Variants in CD1E observed in about 807,000 individuals in gnomAD.
CD1E encodes CD1e molecule.
A neutral mutation model predicts 40.1 loss-of-function variants in CD1E; 49 were observed. The observed-to-expected ratio is 1.22, with a 90% CI of 0.97 to 1.55. CD1E has a LOEUF of 1.55. CD1E is among the 40% of genes most tolerant of loss of function. The pLI, the probability that CD1E is intolerant of heterozygous loss-of-function variation, is 0.00. For missense variants in CD1E, 492 were observed against 471.3 expected (o/e 1.04, Z -0.41); for synonymous variants, 189 against 178.3 (o/e 1.06, Z -0.48).
In CD1E at chr1:158,355,619, A is replaced by G. The variant is rs73012017; in HGVS notation, c.625+50A>G. 7.5e-3 allele frequency: 11,601 copies of G among 1,557,156 alleles called. 738 individuals carry two copies. In the African/African-American group the frequency reaches 0.14, roughly 19 times the overall value. ...TCTTGTTCCTAGTACTATAACTCTC[A>G]TATTTGAATTTGCCTCTCATCATCA... On this transcript the variant is annotated intron_variant, in intron 3 of 5. Transcript: ENST00000368167.
In CD1E at chr1:158,355,372, A is replaced by T. The variant is rs761807945; in HGVS notation, c.428A>T (p.Gln143Leu). The change falls in exon 3 of 6, where the codon CAA becomes CTA. Residue 143 changes from glutamine (Q) to leucine (L), a missense_variant. Gln to Leu is a moderately radical substitution (Grantham distance 113, BLOSUM62 -2). Coordinates refer to ENST00000368167, the MANE Select transcript of CD1E (RefSeq NM_030893.4). The stretch of plus-strand genomic sequence containing the variant: ...CAAATCTTCTTAAATATGGCATATC[A>T]AGGGTCAGATTTCCTGAGTTTCCAA... Reference protein sequence around the residue: ...APQIFLNMAYQGSDFLSFQGI... With the variant: ...APQIFLNMAYLGSDFLSFQGI... 4 of 1,613,948 alleles carry T rather than the reference A, an allele frequency of 2.5e-6. No individual in the cohort carries two copies. In the East Asian group the frequency reaches 8.9e-5, roughly 36 times the overall value.
At position 158,355,310 on chromosome 1, in the gene CD1E, G is replaced by C; in HGVS notation, c.366G>C (p.Glu122Asp). The C allele has an allele frequency of 6.2e-7, 1 of 1,613,718 alleles. No individual in the cohort carries two copies. Among genetic ancestry groups the C allele is most frequent in the Non-Finnish European group, 8.5e-7 (1 of 1,179,810 alleles). ...AGQFQLEYPF[E>D]IQILAGCRMN... ...CCTGTCCACTCTCAGACCCCTTCGA[G>C]ATCCAGATATTAGCTGGCTGTAGAA... Residue 122 changes from glutamate (E) to aspartate (D), a missense_variant, in exon 3 of 6, where the codon GAG becomes GAC. Coordinates refer to ENST00000368167, the MANE Select transcript of CD1E (RefSeq NM_030893.4).
Position 158,357,161 on chromosome 1 carries a change from C to A in CD1E, c.*265C>A. ...ACCCAATTGATAGCTCTTCTGTACT[C>A]CCCAAATTGAACTGATCTTCACAAG... On this transcript the variant is annotated 3_prime_UTR_variant, in exon 6 of 6. Transcript: ENST00000368167. 5.8e-6 allele frequency: 2 copies of A among 344,798 alleles called. No homozygotes were observed. Among genetic ancestry groups the A allele is most frequent in the Admixed American group, 4.2e-5 (1 of 23,860 alleles). The allele number at this position is 344,798 out of a possible 1,614,324, so 21.4% of individuals were successfully genotyped here.
intron 1 of CD1E, 107 bp downstream of exon 1, chr1:158,354,153 C>T: frequency 5.8e-6 from 6 of 1,036,718 alleles, no homozygotes; most frequent in Non-Finnish European, 8.8e-6. Flanking sequence ...CTAGGATGCC[C>T]TTGGAATATG....
rs769163691 is a variant in CD1E at position 158,356,083 on chromosome 1, C to G, written c.882C>G (p.Gly294=). 58 of 1,613,456 alleles carry G rather than the reference C, an allele frequency of 3.6e-5. No individual in the cohort carries two copies. The Middle Eastern group carries it at 6.6e-4, about 18-fold the overall frequency. ...SCRVKHSSLG[G]HDLIIHWGGY... Reference sequence around the variant, plus strand: ...GGGTGAAACACAGCAGTCTAGGGGGCCATGATCTAATCATCCATTGGGGTG... The same window carrying G: ...GGGTGAAACACAGCAGTCTAGGGGGGCATGATCTAATCATCCATTGGGGTG... Residue 294 remains glycine (G), a synonymous_variant, in exon 4 of 6, where the codon GGC becomes GGG. Coordinates refer to ENST00000368167, the MANE Select transcript of CD1E (RefSeq NM_030893.4).
rs1315932033 is a variant in CD1E, at chr1:158,356,744, C to T, written c.1015C>T (p.Leu339Phe). 5 of 1,612,810 alleles carry T rather than the reference C, an allele frequency of 3.1e-6. No homozygotes were observed. In the Admixed American group the frequency reaches 5.0e-5, roughly 16 times the overall value. ...LKKQSSNKNI[L>F]SPHTPSPVFL... ...TTCCCACAGTTCAAATAAGAACATT[C>T]TTTCTCCCCACACACCCAGCCCTGT... The change falls in exon 6 of 6, where the codon CTT becomes TTT. Residue 339 changes from leucine to phenylalanine, a missense_variant. Leu to Phe is a conservative substitution (Grantham distance 22). Transcript: ENST00000368167.
rs747088115 is a variant in CD1E, at chr1:158,354,603, A to G, written c.285A>G (p.Ser95=). The change falls in exon 2 of 6, where the codon TCA becomes TCG. Residue 95 remains serine, a synonymous_variant. Coordinates refer to ENST00000368167, the MANE Select transcript of CD1E (RefSeq NM_030893.4). The stretch of plus-strand genomic sequence containing the variant: ...AGCAGGAGCTGAAAAACTTACAGTC[A>G]CTGTTCCAGTTATACTTCCATAGTT... The part of the protein sequence containing the change: ...FSKQELKNLQ[S]LFQLYFHSFI... 1.2e-6 allele frequency: 2 copies of G among 1,614,092 alleles called. No individual in the cohort carries two copies. The highest frequency in any genetic ancestry group is 1.7e-5 in the Admixed American group (1 of 60,026).
At chr1:158,356,155 G>T in intron 4 of CD1E, 50 bp downstream of exon 4, 1 of 1,600,048 alleles carries the variant, frequency 6.2e-7, no homozygotes, top group South Asian at 1.1e-5. Flanking sequence ...TAGCCCTGGG[G>T]CTTTTGAGTG....
Position 158,356,237 on chromosome 1 carries a change from A to T in CD1E, c.904+132A>T, listed in dbSNP as rs770128821. On this transcript the variant is annotated intron_variant, in intron 4 of 5. Coordinates refer to ENST00000368167, the MANE Select transcript of CD1E (RefSeq NM_030893.4). The stretch of plus-strand genomic sequence containing the variant: ...ACTGGGACAATCAAAATAAAGAAGG[A>T]TAGAGTATGACAGTAGTTAAATTTT... 16 of 1,091,778 alleles carry T rather than the reference A, an allele frequency of 1.5e-5. No homozygotes were observed. The African/African-American group carries it at 2.2e-4, about 15-fold the overall frequency. 67.6% of individuals were successfully genotyped at this position (1,091,778 alleles called of 1,614,324 possible).
In CD1E at chr1:158,354,383, A is replaced by T; in HGVS notation, c.65A>T (p.Gln22Leu). 1.3e-6 allele frequency: 2 copies of T among 1,598,320 alleles called. No individual in the cohort carries two copies. Among genetic ancestry groups the T allele is most frequent in the Non-Finnish European group, 1.7e-6 (2 of 1,171,782 alleles). The change falls in exon 2 of 6, where the codon CAG becomes CTG. Residue 22 changes from glutamine to leucine, a missense_variant. Coordinates refer to ENST00000368167, the MANE Select transcript of CD1E (RefSeq NM_030893.4). The stretch of plus-strand genomic sequence containing the variant: ...TCATTTCCCTCTCTCTCAGCTCCCC[A>T]GGCTCTACAATCCTATCATCTAGCA... ...CCPGENTAAP[Q>L]ALQSYHLAAE... is the part of the protein sequence containing the mutation.
chr1:158,356,047 C>A lies in CD1E; in HGVS notation c.846C>A (p.Gly282=), dbSNP rs1363330272. 6.2e-7 allele frequency: 1 copy of A among 1,613,966 alleles called. No homozygotes were observed. Among genetic ancestry groups the A allele is most frequent in the African/African-American group, 1.3e-5 (1 of 75,032 alleles). The change falls in exon 4 of 6, where the codon GGC becomes GGA. Residue 282 remains glycine (G), a synonymous_variant. Transcript: ENST00000368167. ...ATGTGGCGGCTGGGGAGGCAGCTGG[C>A]CTGTCCTGTCGGGTGAAACACAGCA... ...TLDVAAGEAA[G]LSCRVKHSSL...
Position 158,355,344 on chromosome 1 carries a change from C to A in CD1E, c.400C>A (p.Pro134Thr). ...QILAGCRMNA[P>T]QIFLNMAYQG... is the part of the protein sequence containing the mutation. Reference sequence around the variant, plus strand: ...ATTAGCTGGCTGTAGAATGAATGCCCCACAAATCTTCTTAAATATGGCATA... The same window carrying A: ...ATTAGCTGGCTGTAGAATGAATGCCACACAAATCTTCTTAAATATGGCATA... Residue 134 changes from proline (P) to threonine (T), a missense_variant, in exon 3 of 6, where the codon CCA becomes ACA. Physicochemically the swap from Pro to Thr is conservative, Grantham distance 38. Coordinates refer to ENST00000368167, the MANE Select transcript of CD1E (RefSeq NM_030893.4). 6.2e-7 allele frequency: 1 copy of A among 1,614,000 alleles called. No homozygotes were observed. Among genetic ancestry groups the A allele is most frequent in the Non-Finnish European group, 8.5e-7 (1 of 1,179,910 alleles).
At position 158,355,467 on chromosome 1, in the gene CD1E, T is replaced by C. The variant is rs1483339686; in HGVS notation, c.523T>C (p.Tyr175His). The C allele has an allele frequency of 1.2e-6, 2 of 1,614,118 alleles. No individual in the cohort carries two copies. The highest frequency in any genetic ancestry group is 2.2e-5 in the South Asian group (2 of 91,084). Residue 175 changes from tyrosine to histidine, a missense_variant, in exon 3 of 6, where the codon TAC becomes CAC. By Grantham distance (83) the Tyr-to-His change is moderately conservative. Coordinates refer to ENST00000368167, the MANE Select transcript of CD1E (RefSeq NM_030893.4). ...GAACATCTGTAAAGTGCTCAATCGCTACCTAGATATTAAGGAAATACTGCA... is the reference window on the plus strand; with the variant it reads ...GAACATCTGTAAAGTGCTCAATCGCCACCTAGATATTAAGGAAATACTGCA... ...AQNICKVLNRYLDIKEILQSL... is the reference protein window; with the variant it reads ...AQNICKVLNRHLDIKEILQSL...
chr1:158,355,333 G>A lies in CD1E; in HGVS notation c.389G>A (p.Arg130Lys), dbSNP rs779180879. The A allele has an allele frequency of 1.9e-6, 3 of 1,613,898 alleles. No homozygotes were observed. Among genetic ancestry groups the A allele is most frequent in the Non-Finnish European group, 2.5e-6 (3 of 1,179,948 alleles). Residue 130 changes from arginine (R) to lysine (K), a missense_variant, in exon 3 of 6, where the codon AGA (arginine) becomes AAA (lysine). Physicochemically the swap from Arg to Lys is conservative, Grantham distance 26. Transcript: ENST00000368167. ...GAGATCCAGATATTAGCTGGCTGTAGAATGAATGCCCCACAAATCTTCTTA... is the reference window on the plus strand; with the variant it reads ...GAGATCCAGATATTAGCTGGCTGTAAAATGAATGCCCCACAAATCTTCTTA... The part of the protein sequence containing the change: ...PFEIQILAGC[R>K]MNAPQIFLNM...
Position 158,357,081 on chromosome 1 carries a change from T to C in CD1E, c.*185T>C. ...CCTGCTTTGGCTACATATCCATCAT[T>C]GTTTATTTTTGAAACTATAATCCAG... is the stretch of plus-strand genomic sequence containing the variant. On this transcript the variant is annotated 3_prime_UTR_variant, in exon 6 of 6. Transcript: ENST00000368167. 3.6e-6 allele frequency: 2 copies of C among 561,030 alleles called. No homozygotes were observed. 34.8% of individuals were successfully genotyped at this position (561,030 alleles called of 1,614,324 possible).
chr1:158,355,388 G>A lies in CD1E; in HGVS notation c.444G>A (p.Leu148=). The change falls in exon 3 of 6, where the codon CTG becomes CTA. Residue 148 remains leucine (L), a synonymous_variant. Transcript: ENST00000368167. ...LNMAYQGSDF[L]SFQGISWEPS... ...TGGCATATCAAGGGTCAGATTTCCT[G>A]AGTTTCCAAGGAATTTCCTGGGAGC... 3.7e-6 allele frequency: 6 copies of A among 1,614,084 alleles called. No homozygotes were observed. The highest frequency in any genetic ancestry group is 5.1e-6 in the Non-Finnish European group (6 of 1,180,012).
chr1:158,353,898 G>A lies in CD1E; in HGVS notation c.-91G>A, dbSNP rs1022858955. 2.6e-5 allele frequency: 26 copies of A among 990,874 alleles called. No homozygotes were observed. Among genetic ancestry groups the A allele is most frequent in the Middle Eastern group, 2.1e-4 (1 of 4,766 alleles). The allele number at this position is 990,874 out of a possible 1,614,324, so 61.4% of individuals were successfully genotyped here. ...GTCTGTACAGCAAGGGAAGTCAGAC[G>A]AGAGTGCAAGAGGGTGTGGAGAGGG... is the stretch of plus-strand genomic sequence containing the variant. On this transcript the variant is annotated 5_prime_UTR_variant, in exon 1 of 6. Coordinates refer to ENST00000368167, the MANE Select transcript of CD1E (RefSeq NM_030893.4).
At chr1:158,354,774 A>C in intron 2 of CD1E, 101 bp downstream of exon 2, 3 of 1,045,090 alleles carry the variant, frequency 2.9e-6, no homozygotes, top group East Asian at 2.5e-5. Context: ...AACCTTACTA[A>C]CCTTGTTCCC....
At chr1:158,355,710 G>A in intron 3 of CD1E, 117 bp from the exon 4 acceptor site, 1 of 1,418,076 alleles carries the variant, frequency 7.1e-7, no homozygotes, top group East Asian at 2.5e-5. Context: ...TCTTAGACAA[G>A]AGAAAGAAGT....
Sources: gnomAD v4.1 joint callset for allele counts on GRCh38, gnomAD v4.1.1 for gene constraint, MANE v1.5 for transcripts, NCBI Gene and HGNC (gene_info 2026-07-23, HGNC 2026-07-21) for gene names.